Variants in DCAF13 observed in about 807,000 individuals in gnomAD.
DCAF13 encodes the protein DDB1- and CUL4-associated factor 13.
In DCAF13, 38 loss-of-function variants were observed where a neutral mutation model predicts 59.0. The observed-to-expected ratio is 0.64, with a 90% CI of 0.50 to 0.84. DCAF13 has a LOEUF of 0.84. Among genes scored for constraint, DCAF13 ranks in the 40% least tolerant of loss-of-function variants. The pLI, the probability that DCAF13 is intolerant of heterozygous loss-of-function variation, is 0.00. For synonymous variants in DCAF13, 173 were observed against 175.0 expected (o/e 0.99, Z 0.09); for missense variants, 469 against 558.4 (o/e 0.84, Z 1.61).
intron 8 of DCAF13, among the ~76,000 whole-genome samples, chr8:103,436,438 T>C (rs1816935840): frequency 6.6e-6 from 1 of 152,166 alleles, no homozygotes. Context: ...ATTTGAATAC[T>C]CAGCTGTCCC....
chr8:103,421,479 CA>C (rs1816722026), intron 3 of DCAF13, among the ~76,000 whole-genome samples: 1 of 152,168 alleles, frequency 6.6e-6, no homozygotes, highest in Non-Finnish European at 1.5e-5. Context: ...TTTAAATATA[CA>C]GTTTGGTGGC....
intron 9 of DCAF13, chr8:103,441,198 G>T (rs779521388): frequency 1.2e-5 from 4 of 328,738 alleles, no homozygotes; most frequent in South Asian, 9.8e-5. Flanking sequence ...AGTGATCCAC[G>T]TGGCCCTACT....
intron 3 of DCAF13, among the ~76,000 whole-genome samples, chr8:103,422,236 C>A (rs1270740331): frequency 6.6e-6 from 1 of 152,144 alleles, no homozygotes; most frequent in Non-Finnish European, 1.5e-5. Flanking sequence ...TATGATGTGA[C>A]AAACTGGACT....
intron 1 of DCAF13, among the ~76,000 whole-genome samples, chr8:103,417,963 C>CA (rs1816645715): frequency 2.0e-5 from 3 of 151,600 alleles, no homozygotes; most frequent in South Asian, 4.2e-4. Context: ...ACTAAAAATA[C>CA]AAAAAAATAA....
chr8:103,426,029 T>C, intron 3 of DCAF13, 27 bp from the exon 4 acceptor site: 1 of 1,504,974 alleles, frequency 6.6e-7, no homozygotes. Context: ...TTCCTTACCA[T>C]CATCATAATA....
At chr8:103,434,261 A>T (rs1286543657) in intron 7 of DCAF13, among the ~76,000 whole-genome samples, 1 of 152,096 alleles carries the variant, frequency 6.6e-6, no homozygotes, top group Non-Finnish European at 1.5e-5. Context: ...CTAACTCTAT[A>T]TCATAGTTTC....
intron 6 of DCAF13, among the ~76,000 whole-genome samples, chr8:103,431,008 TAATAATATTCA>T (rs769036442): frequency 1.2e-4 from 18 of 152,212 alleles, no homozygotes; most frequent in Non-Finnish European, 2.2e-4. Context: ...CTTAACAGTG[TAATAATATTCA>T]AATAATATTC....
chr8:103,425,906 G>T (rs1488691489), intron 3 of DCAF13, 150 bp from the exon 4 acceptor site: 4 of 564,842 alleles, frequency 7.1e-6, no homozygotes, highest in Non-Finnish European at 1.3e-5. Context: ...ACTAAAACAA[G>T]GTGGGATATA....
At chr8:103,439,670 C>T (rs993109599) in intron 8 of DCAF13, 3 of 152,194 alleles carry the variant, frequency 2.0e-5, no homozygotes, top group African/African-American at 7.2e-5. Context: ...TTCAGCATAT[C>T]AGGAGGTACT....
At chr8:103,439,383 CTTT>C (rs34676422) in intron 8 of DCAF13, 2 of 85,784 alleles carry the variant, frequency 2.3e-5, no homozygotes, top group African/African-American at 4.7e-5. Flanking sequence ...TTTAATTAAG[CTTT>C]TTTTTTTTTT....
At chr8:103,436,496 A>G (rs1004334839) in intron 8 of DCAF13, among the ~76,000 whole-genome samples, 1 of 152,124 alleles carries the variant, frequency 6.6e-6, no homozygotes, top group African/African-American at 2.4e-5. Context: ...GTGTGATTCT[A>G]ATATTTAAGA....
chr8:103,439,552 C>CT (rs1377723140), intron 8 of DCAF13: 4 of 152,112 alleles, frequency 2.6e-5, no homozygotes, highest in Non-Finnish European at 2.9e-5. Context: ...CCACGCCCAA[C>CT]TAACTTTTGT....
chr8:103,420,933 C>T (rs763005420), intron 2 of DCAF13, 42 bp from the exon 3 acceptor site: 1 of 1,325,730 alleles, frequency 7.5e-7, no homozygotes, highest in Admixed American at 1.7e-5. Flanking sequence ...GAACATTTTA[C>T]ATTTATAGTT....
chr8:103,426,413 A>G (rs948276935), intron 4 of DCAF13, among the ~76,000 whole-genome samples: 22 of 151,824 alleles, frequency 1.4e-4, no homozygotes, highest in Non-Finnish European at 2.6e-4. Context: ...AACATTTCCC[A>G]TGGGAAGACC....
At chr8:103,415,628 C>T (rs1816599114) in intron 1 of DCAF13, 112 bp downstream of exon 1, 3 of 1,080,816 alleles carry the variant, frequency 2.8e-6, no homozygotes, top group South Asian at 1.6e-5. Context: ...GGTTCTTTCT[C>T]AGTTACCTTT....
chr8:103,431,554 C>T (rs1816865815), intron 6 of DCAF13, among the ~76,000 whole-genome samples: 1 of 152,136 alleles, frequency 6.6e-6, no homozygotes, highest in African/African-American at 2.4e-5. Flanking sequence ...TATATGATTT[C>T]ACTCATTCAT....
At chr8:103,418,826 A>T (rs1217441399) in intron 1 of DCAF13, among the ~76,000 whole-genome samples, 19 of 6,392 alleles carry the variant, frequency 3.0e-3, no homozygotes, top group Middle Eastern at 0.062. Flanking sequence ...AAGCATAATT[A>T]TATATATATA....
intron 6 of DCAF13, among the ~76,000 whole-genome samples, chr8:103,431,952 CAGTT>C (rs987539184): frequency 3.9e-5 from 6 of 152,226 alleles, no homozygotes; most frequent in South Asian, 2.1e-4. Flanking sequence ...TTCTTTTAGT[CAGTT>C]AGGTAACATT....
At chr8:103,442,578 C>G in intron 10 of DCAF13, 3 of 341,266 alleles carry the variant, frequency 8.8e-6, no homozygotes, top group Admixed American at 4.6e-5. Flanking sequence ...GGTTTTTAAA[C>G]TTAGTAAAGG....
Sources: allele counts gnomAD v4.1 joint callset (sites outside exome capture counted in the v4.1 genomes callset), GRCh38; gene constraint gnomAD v4.1.1; transcripts MANE v1.5; gene names NCBI Gene and HGNC (gene_info 2026-07-23, HGNC 2026-07-21).